The following NEDD4L variants were observed in gnomAD, a reference collection of about 807,000 sequenced individuals.
The protein encoded by NEDD4L is E3 ubiquitin-protein ligase NEDD4-like.
A neutral mutation model predicts 148.9 loss-of-function variants in NEDD4L; 54 were observed. The ratio of observed to expected loss-of-function variants is 0.36; its 90% confidence interval spans 0.29 to 0.45. The LOEUF (loss-of-function observed/expected upper bound fraction) is 0.45. Among genes scored for constraint, NEDD4L ranks in the 20% least tolerant of loss-of-function variants. The probability of loss-of-function intolerance (pLI) is 1.00; values close to 1 mark genes in which losing one functional copy is unlikely to be tolerated. For missense variants in NEDD4L, 856 were observed against 1,233.8 expected (o/e 0.69, Z 4.59); for synonymous variants, 433 against 440.7 (o/e 0.98, Z 0.22).
At chr18:58,245,846 ATTT>A (rs58940181) in intron 3 of NEDD4L, among the ~76,000 whole-genome samples, 126 of 91,518 alleles carry the variant, frequency 1.4e-3, no homozygotes, top group African/African-American at 4.8e-3. Context: ...ATGCCTGGCT[ATTT>A]TTTTTTTTTT....
At chr18:58,387,148 G>T (rs1449838268) in intron 26 of NEDD4L, among the ~76,000 whole-genome samples, 1 of 152,216 alleles carries the variant, frequency 6.6e-6, no homozygotes, top group African/African-American at 2.4e-5. Context: ...TCACAGCAGT[G>T]TTATAAATGG....
intron 2 of NEDD4L, among the ~76,000 whole-genome samples, chr18:58,188,826 T>G (rs768283959): frequency 2.0e-5 from 3 of 152,248 alleles, no homozygotes; most frequent in Non-Finnish European, 2.9e-5. Flanking sequence ...GTTAATTCAT[T>G]GTCTTTCTAG....
intron 10 of NEDD4L, among the ~76,000 whole-genome samples, chr18:58,330,230 A>G (rs765212114): frequency 2.0e-5 from 3 of 152,184 alleles, no homozygotes; most frequent in Non-Finnish European, 2.9e-5. Context: ...TAACACATTC[A>G]CTCTAAGTTA....
At chr18:58,195,684 C>CCT in intron 2 of NEDD4L, 1 of 1,352,090 alleles carries the variant, frequency 7.4e-7, no homozygotes, top group Non-Finnish European at 9.8e-7. Flanking sequence ...TCTAGACCTG[C>CCT]CTCTCTCTCC....
intron 1 of NEDD4L, among the ~76,000 whole-genome samples, chr18:58,128,352 G>A (rs559035594): frequency 3.9e-5 from 6 of 152,248 alleles, no homozygotes; most frequent in Middle Eastern, 3.4e-3. Flanking sequence ...GTGCCTGGTT[G>A]TAAAGTTCTT....
In NEDD4L at chr18:58,204,862, C is replaced by T. The variant is rs867182722; in HGVS notation, c.122+39001C>T. Among the ~76,000 whole-genome samples, 5 of 152,096 alleles carry T rather than the reference C, an allele frequency of 3.3e-5. No individual in the cohort carries two copies. The South Asian group carries it at 8.3e-4, about 25-fold the overall frequency. ...AAAGCACTAGAGGTCAAATGGTTTG[C>T]GAGACAAAATGAAACTCTCCAGCTC... On this transcript the variant is annotated intron_variant, in intron 2 of 30. Coordinates refer to ENST00000400345, the MANE Select transcript of NEDD4L (RefSeq NM_001144967.3).
Position 58,256,867 on chromosome 18 carries a change from G to C in NEDD4L, c.297+4813G>C. On this transcript the variant is annotated intron_variant, in intron 5 of 30. Coordinates refer to ENST00000400345, the MANE Select transcript of NEDD4L (RefSeq NM_001144967.3). This position sits in a 1 kb window ranked among gnomAD's most constrained non-coding sequence, Gnocchi z 5.2. Reference sequence around the variant, plus strand: ...AAAATAAAACCTCACCCTCTGTTCCGGGAGTTTCCCTGCTTCAGGCCAGTG... The same window carrying C: ...AAAATAAAACCTCACCCTCTGTTCCCGGAGTTTCCCTGCTTCAGGCCAGTG... The C allele has an allele frequency of 8.9e-7, 1 of 1,126,686 alleles. No homozygotes were observed. The highest frequency in any genetic ancestry group is 1.1e-6 in the Non-Finnish European group (1 of 892,542). The allele number at this position is 1,126,686 out of a possible 1,614,324, so 69.8% of individuals were successfully genotyped here.
chr18:58,204,454 T>C (rs1452944690), intron 2 of NEDD4L, among the ~76,000 whole-genome samples: 2 of 152,204 alleles, frequency 1.3e-5, no homozygotes, highest in Admixed American at 6.5e-5. Flanking sequence ...TTTTGGTGTA[T>C]ATGTGACAAG....
intron 2 of NEDD4L, among the ~76,000 whole-genome samples, chr18:58,172,661 C>T (rs981375703): frequency 3.9e-5 from 6 of 152,182 alleles, no homozygotes; most frequent in African/African-American, 9.7e-5. Flanking sequence ...TACTTGAGTG[C>T]TCACAGGTTG....
chr18:58,066,360 A>ATG (rs1555680365), intron 1 of NEDD4L, among the ~76,000 whole-genome samples: 3 of 90,114 alleles, frequency 3.3e-5, no homozygotes, highest in Non-Finnish European at 8.3e-5. Context: ...TTTTGGTGAA[A>ATG]TGTAAATTTA....
chr18:58,048,050 A>G (rs1321768520), intron 1 of NEDD4L, among the ~76,000 whole-genome samples: 1 of 152,232 alleles, frequency 6.6e-6, no homozygotes, highest in East Asian at 1.9e-4. Flanking sequence ...CTGACATAGG[A>G]TAAATGGCAC....
chr18:58,323,524 G>T (rs1314112054), intron 8 of NEDD4L, among the ~76,000 whole-genome samples, 190 bp downstream of exon 8: 2 of 152,176 alleles, frequency 1.3e-5, no homozygotes, highest in Non-Finnish European at 2.9e-5. Context: ...AACTTTTTAT[G>T]TTACAACACC....
intron 2 of NEDD4L, among the ~76,000 whole-genome samples, chr18:58,189,498 T>C (rs1023012076): frequency 1.3e-5 from 2 of 152,136 alleles, no homozygotes; most frequent in Non-Finnish European, 2.9e-5. Flanking sequence ...AGTTTTGGGC[T>C]CTCTAGGGGG....
chr18:58,066,605 A>G (rs1054559516), intron 1 of NEDD4L, among the ~76,000 whole-genome samples: 13 of 152,082 alleles, frequency 8.5e-5, no homozygotes, highest in Non-Finnish European at 1.9e-4. Flanking sequence ...AGCATGAGCC[A>G]TCGCGCCCGG....
intron 2 of NEDD4L, among the ~76,000 whole-genome samples, chr18:58,193,395 CAG>C (rs1568361751): frequency 6.6e-6 from 1 of 152,246 alleles, no homozygotes. Flanking sequence ...ATACTGCAAA[CAG>C]ATGCCACTAC....
At chr18:58,350,769 T>TA (rs2043777302) in intron 17 of NEDD4L, among the ~76,000 whole-genome samples, 1 of 152,252 alleles carries the variant, frequency 6.6e-6, no homozygotes, top group Admixed American at 6.5e-5. Flanking sequence ...CGGTTCTTCA[T>TA]ACAGTCAGCG....
chr18:58,238,704 G>A (rs1189519190), intron 2 of NEDD4L, among the ~76,000 whole-genome samples: 1 of 151,974 alleles, frequency 6.6e-6, no homozygotes, highest in Non-Finnish European at 1.5e-5. Context: ...ACTTCTTTGG[G>A]ATTAATCCTT....
At chr18:58,342,876 A>G in intron 15 of NEDD4L, 30 bp from the exon 16 acceptor site, 1 of 1,524,334 alleles carries the variant, frequency 6.6e-7, no homozygotes, top group Non-Finnish European at 8.9e-7. Context: ...CACATGCTAA[A>G]GAGTTCTAAT....
intron 6 of NEDD4L, among the ~76,000 whole-genome samples, chr18:58,317,701 G>C (rs1375855658): frequency 6.6e-6 from 1 of 152,170 alleles, no homozygotes; most frequent in Non-Finnish European, 1.5e-5. Context: ...ATTCTGAGTG[G>C]AGGCAGGGTC....
Sources: gnomAD v4.1 joint callset for allele counts (sites outside exome capture counted in the v4.1 genomes callset) on GRCh38, gnomAD v4.1.1 for gene constraint, Gnocchi (gnomAD v3.1) non-coding constraint, MANE v1.5 for transcripts, NCBI Gene and HGNC (gene_info 2026-07-23, HGNC 2026-07-21) for gene names.